The following ZNF609 variants were observed in gnomAD, a reference collection of about 807,000 sequenced individuals.
ZNF609 encodes zinc finger protein 609.
In ZNF609, 11 loss-of-function variants were observed where a neutral mutation model predicts 109.5. That is an observed-to-expected ratio of 0.10 (90% CI 0.06 to 0.17). ZNF609 has a LOEUF of 0.17. Among genes scored for constraint, ZNF609 ranks in the 10% least tolerant of loss-of-function variants. The pLI, the probability that ZNF609 is intolerant of heterozygous loss-of-function variation, is 1.00. For missense variants in ZNF609, 1,559 were observed against 1,772.4 expected (o/e 0.88, Z 2.16); for synonymous variants, 646 against 662.0 (o/e 0.98, Z 0.37).
At chr15:64,640,529 A>G (rs1287827212) in intron 3 of ZNF609, among the ~76,000 whole-genome samples, 1 of 152,238 alleles carries the variant, frequency 6.6e-6, no homozygotes, top group African/African-American at 2.4e-5. Context: ...CTCTGGCTGA[A>G]GAAGGCCAAA....
chr15:64,539,288 A>C (rs1465310202), intron 2 of ZNF609, among the ~76,000 whole-genome samples: 2 of 150,960 alleles, frequency 1.3e-5, no homozygotes, highest in Non-Finnish European at 2.9e-5. Flanking sequence ...GCTCACTGCA[A>C]GCTCCACCTC....
intron 1 of ZNF609, chr15:64,471,388 T>A (rs1810282886): frequency 1.3e-5 from 2 of 151,772 alleles, no homozygotes; most frequent in Admixed American, 6.6e-5. Context: ...TCTATTGGTC[T>A]GGAGTAGAAA....
At chr15:64,474,282 C>T (rs1445085989) in intron 1 of ZNF609, among the ~76,000 whole-genome samples, 1 of 150,546 alleles carries the variant, frequency 6.6e-6, no homozygotes, top group African/African-American at 2.4e-5. Context: ...GGCACAATCT[C>T]GGCTCACTGC....
At chr15:64,548,981 G>A (rs1457365281) in intron 2 of ZNF609, among the ~76,000 whole-genome samples, 3 of 152,144 alleles carry the variant, frequency 2.0e-5, no homozygotes, top group East Asian at 3.8e-4. Flanking sequence ...AAGGCTTCAT[G>A]TCAAGAGTTC....
intron 2 of ZNF609, among the ~76,000 whole-genome samples, chr15:64,600,576 C>T (rs949398366): frequency 1.4e-5 from 2 of 147,270 alleles, no homozygotes; most frequent in African/African-American, 5.0e-5. Flanking sequence ...GCAGAGTTTG[C>T]AGTGAGCCAA....
chr15:64,663,016 G>C (rs1297562734), intron 3 of ZNF609, among the ~76,000 whole-genome samples: 3 of 152,032 alleles, frequency 2.0e-5, no homozygotes, highest in Non-Finnish European at 2.9e-5. Flanking sequence ...GATACATACA[G>C]ATGTATGTAT....
chr15:64,482,875 C>G (rs2140338534), intron 1 of ZNF609, among the ~76,000 whole-genome samples: 1 of 152,238 alleles, frequency 6.6e-6, no homozygotes, highest in South Asian at 2.1e-4. Context: ...AATTAGCAAA[C>G]TGATTTTCTG....
chr15:64,678,565 A>C lies in ZNF609; in HGVS notation c.3769+83A>C, dbSNP rs137928002. 388 of 1,512,070 alleles carry C rather than the reference A, an allele frequency of 2.6e-4. 11 individuals are homozygous for C. In the African/African-American group the frequency reaches 4.8e-3, roughly 19 times the overall value. The allele number at this position is 1,512,070 out of a possible 1,614,324, so 93.7% of individuals were successfully genotyped here. ...TTTCACATCCAGAGTTTTCTTGCTC[A>C]GCCCCAAGGCATATTGAGGCTCGCT... On this transcript the variant is annotated intron_variant, in intron 6 of 9. Transcript: ENST00000326648.
chr15:64,468,742 GA>G (rs979605992), intron 1 of ZNF609, among the ~76,000 whole-genome samples: 2 of 151,936 alleles, frequency 1.3e-5, no homozygotes, highest in African/African-American at 2.4e-5. Flanking sequence ...GAATAGAGGG[GA>G]AAAAATCATA....
At chr15:64,636,211 C>T (rs567641268) in intron 3 of ZNF609, among the ~76,000 whole-genome samples, 3 of 152,290 alleles carry the variant, frequency 2.0e-5, no homozygotes, top group African/African-American at 4.8e-5. Flanking sequence ...TTTATAGGCC[C>T]TGCTACTCAC....
At chr15:64,613,948 C>G (rs1156963130) in intron 2 of ZNF609, among the ~76,000 whole-genome samples, 3 of 150,438 alleles carry the variant, frequency 2.0e-5, no homozygotes, top group African/African-American at 7.3e-5. Context: ...TGTTTTGAGA[C>G]AGTCTTGCTC....
chr15:64,607,048 G>T (rs1389857340), intron 2 of ZNF609, among the ~76,000 whole-genome samples: 1 of 152,170 alleles, frequency 6.6e-6, no homozygotes, highest in Non-Finnish European at 1.5e-5. Context: ...GGAGGCTGAG[G>T]CAGGAGAATC....
intron 2 of ZNF609, among the ~76,000 whole-genome samples, chr15:64,594,956 G>A (rs1254331240): frequency 9.5e-5 from 14 of 148,112 alleles, no homozygotes; most frequent in African/African-American, 3.3e-4. Flanking sequence ...AACCCGGGAA[G>A]TGGAGCTTAC....
chr15:64,670,572 T>C, intron 4 of ZNF609, 139 bp downstream of exon 4: 2 of 744,020 alleles, frequency 2.7e-6, no homozygotes, highest in South Asian at 3.3e-5. Flanking sequence ...GCACTGTATT[T>C]ATCTGACATT....
At chr15:64,627,037 C>T (rs1364682790) in intron 3 of ZNF609, among the ~76,000 whole-genome samples, 1 of 151,932 alleles carries the variant, frequency 6.6e-6, no homozygotes, top group Non-Finnish European at 1.5e-5. Context: ...GGCAAAACCC[C>T]GTCTCTACTA....
At chr15:64,670,322 T>C in intron 3 of ZNF609, 24 bp from the exon 4 acceptor site, 6 of 1,598,122 alleles carry the variant, frequency 3.8e-6, no homozygotes, top group Non-Finnish European at 8.6e-7. Flanking sequence ...GTCTTGTCTA[T>C]ATCTATGTGC....
At chr15:64,548,696 A>G (rs1237399901) in intron 2 of ZNF609, among the ~76,000 whole-genome samples, 4 of 152,210 alleles carry the variant, frequency 2.6e-5, no homozygotes, top group Non-Finnish European at 4.4e-5. Flanking sequence ...CAGGAGGTTG[A>G]GGCTGCAGTG....
intron 2 of ZNF609, among the ~76,000 whole-genome samples, chr15:64,616,304 T>C (rs1230236063): frequency 6.6e-6 from 1 of 151,868 alleles, no homozygotes; most frequent in Admixed American, 6.6e-5. Flanking sequence ...TTCAGTGTAT[T>C]TTCTACCTGT....
At chr15:64,571,559 ATAAGT>A (rs1567017516) in intron 2 of ZNF609, among the ~76,000 whole-genome samples, 2 of 152,172 alleles carry the variant, frequency 1.3e-5, no homozygotes, top group Non-Finnish European at 2.9e-5. Flanking sequence ...CAGCAACCGT[ATAAGT>A]TAAGTACTAT....
Sources: allele counts gnomAD v4.1 joint callset (sites outside exome capture counted in the v4.1 genomes callset), GRCh38; gene constraint gnomAD v4.1.1; transcripts MANE v1.5; gene names NCBI Gene and HGNC (gene_info 2026-07-23, HGNC 2026-07-21).